Variants in CDKL3 observed in about 807,000 individuals in gnomAD.
CDKL3 encodes the protein cyclin dependent kinase like 3.
In CDKL3, 65 loss-of-function variants were observed where a neutral mutation model predicts 69.3. The ratio of observed to expected loss-of-function variants is 0.94; its 90% CI spans 0.77 to 1.15. CDKL3 has a LOEUF of 1.15. Among genes scored for constraint, CDKL3 ranks in the 50% most tolerant of loss-of-function variants. CDKL3 has a pLI of 0.00. For synonymous variants in CDKL3, 202 were observed against 221.6 expected (o/e 0.91, Z 0.79); for missense variants, 652 against 689.2 (o/e 0.95, Z 0.61).
intron 3 of CDKL3, 119 bp downstream of exon 3, chr5:134,359,778 T>G: frequency 1.4e-6 from 1 of 725,348 alleles, no homozygotes; most frequent in East Asian, 2.9e-5. Flanking sequence ...ATTTTCAGGA[T>G]GTCTATTATT....
chr5:134,312,707 A>G (rs1279718758), intron 6 of CDKL3, among the ~76,000 whole-genome samples: 1 of 152,254 alleles, frequency 6.6e-6, no homozygotes. Flanking sequence ...AAGTTCATGG[A>G]TAATCATTTG....
intron 3 of CDKL3, 64 bp downstream of exon 3, chr5:134,359,833 A>C: frequency 2.9e-6 from 3 of 1,026,958 alleles, no homozygotes; most frequent in Non-Finnish European, 4.2e-6. Flanking sequence ...AAAATAAAAC[A>C]ATGTATAAGG....
intron 12 of CDKL3, among the ~76,000 whole-genome samples, chr5:134,301,805 T>C (rs1045984316): frequency 1.3e-5 from 2 of 152,150 alleles, no homozygotes; most frequent in African/African-American, 4.8e-5. Context: ...GAGAATTGCT[T>C]GAACCCGGGA....
chr5:134,327,857 A>G (rs1204027739), intron 4 of CDKL3, among the ~76,000 whole-genome samples: 1 of 152,220 alleles, frequency 6.6e-6, no homozygotes, highest in African/African-American at 2.4e-5. Flanking sequence ...TAAACCTATC[A>G]ATACCACTGT....
At chr5:134,315,776 C>A (rs1770896966) in intron 6 of CDKL3, among the ~76,000 whole-genome samples, 1 of 152,072 alleles carries the variant, frequency 6.6e-6, no homozygotes, top group South Asian at 2.1e-4. Context: ...TGGTCGAGCT[C>A]AGGAGTTCAA....
chr5:134,316,528 C>T (rs560921542), intron 6 of CDKL3, among the ~76,000 whole-genome samples: 8 of 150,910 alleles, frequency 5.3e-5, no homozygotes, highest in South Asian at 4.2e-4. Flanking sequence ...ACCCTGGAGG[C>T]GGAGGTTGCA....
chr5:134,368,611 T>C (rs1581298820), upstream of CDKL3, among the ~76,000 whole-genome samples: 2 of 86,976 alleles, frequency 2.3e-5, no homozygotes, highest in African/African-American at 4.6e-5. Flanking sequence ...AGAGCGAGAC[T>C]CCATCTCAAA....
upstream of CDKL3, among the ~76,000 whole-genome samples, chr5:134,370,247 A>G (rs1254423453): frequency 1.3e-5 from 2 of 152,236 alleles, no homozygotes; most frequent in Non-Finnish European, 2.9e-5. Context: ...AGTCCTTAGT[A>G]TAACAAAGTC....
At chr5:134,307,699 T>C (rs957586916) in intron 9 of CDKL3, among the ~76,000 whole-genome samples, 3 of 152,200 alleles carry the variant, frequency 2.0e-5, no homozygotes, top group Non-Finnish European at 2.9e-5. Flanking sequence ...ATATGCTATT[T>C]TTCTCCCAAA....
chr5:134,329,281 T>A (rs1013150921), intron 4 of CDKL3, among the ~76,000 whole-genome samples: 5 of 152,004 alleles, frequency 3.3e-5, no homozygotes, highest in Non-Finnish European at 7.4e-5. Flanking sequence ...GAGGCTGCAG[T>A]GAGTCACGAT....
intron 4 of CDKL3, among the ~76,000 whole-genome samples, chr5:134,326,008 C>T (rs1774105129): frequency 6.9e-6 from 1 of 144,874 alleles, no homozygotes; most frequent in Non-Finnish European, 1.5e-5. Flanking sequence ...GATACCCTGA[C>T]ATGATCCGCA....
intron 4 of CDKL3, among the ~76,000 whole-genome samples, chr5:134,344,069 A>G (rs1038186982): frequency 2.6e-5 from 4 of 152,218 alleles, no homozygotes; most frequent in Non-Finnish European, 5.9e-5. Flanking sequence ...TTTTCATCAA[A>G]TGGTGCTGGG....
In CDKL3 at chr5:134,324,700, CG is replaced by C. The variant is rs201425224; in HGVS notation, c.540-2798del. Among the ~76,000 whole-genome samples, 1,218 of 151,992 alleles carry C rather than the reference CG, an allele frequency of 8.0e-3. 5 individuals are homozygous for C. The highest frequency in any genetic ancestry group is 0.012 in the Non-Finnish European group (810 of 67,962). ...ATTGCCAGCAGTTCTGGGAGAGGGA[CG>C]GAAGAATAAAAACGAAGCACAGAAG... On this transcript the variant is annotated intron_variant, in intron 4 of 12. Coordinates refer to ENST00000265334, the MANE Select transcript of CDKL3 (RefSeq NM_001113575.2).
chr5:134,341,110 T>C (rs1182277534), intron 4 of CDKL3, among the ~76,000 whole-genome samples: 2 of 152,130 alleles, frequency 1.3e-5, no homozygotes, highest in African/African-American at 4.8e-5. Flanking sequence ...ATCATTTCAA[T>C]AGACAAAGAA....
intron 3 of CDKL3, among the ~76,000 whole-genome samples, chr5:134,357,286 A>C (rs1432683305): frequency 6.6e-6 from 1 of 152,068 alleles, no homozygotes; most frequent in Non-Finnish European, 1.5e-5. Flanking sequence ...TCTACTAAAA[A>C]TACAAAAATT....
chr5:134,364,658 T>C (rs1756951889), intron 2 of CDKL3, among the ~76,000 whole-genome samples: 1 of 149,602 alleles, frequency 6.7e-6, no homozygotes, highest in South Asian at 2.1e-4. Flanking sequence ...ATTACAGGCA[T>C]GCACTACCAT....
At chr5:134,371,315 A>G (rs370174699), upstream of CDKL3, 1 of 562,158 alleles carries the variant, frequency 1.8e-6, no homozygotes. Flanking sequence ...TTACTTCAGG[A>G]AGCCCAGGGG....
chr5:134,341,370 A>C (rs1168429657), intron 4 of CDKL3, among the ~76,000 whole-genome samples: 4 of 152,210 alleles, frequency 2.6e-5, no homozygotes, highest in African/African-American at 7.2e-5. Context: ...AGGCATCCAG[A>C]CCAGCAAAAA....
chr5:134,312,285 T>C lies in CDKL3; in HGVS notation c.881+7A>G, dbSNP rs770745098. On this transcript the variant is annotated splice_region_variant and intron_variant, in intron 7 of 12. Transcript: ENST00000265334. ...TTAAAAAACCCACATTCACTCAAAA[T>C]GCTTACTTTTCAATAAATCCATCTC... 1.4e-5 allele frequency: 22 copies of C among 1,531,526 alleles called. No homozygotes were observed. In the Admixed American group the frequency reaches 2.2e-4, roughly 16 times the overall value. The allele number at this position is 1,531,526 out of a possible 1,614,324, so 94.9% of individuals were successfully genotyped here. A position where few individuals can be genotyped will look rare whatever the true frequency, so the allele number is the denominator to read the frequency against.
Sources: allele counts gnomAD v4.1 joint callset (sites outside exome capture counted in the v4.1 genomes callset), GRCh38; gene constraint gnomAD v4.1.1; transcripts MANE v1.5; gene names NCBI Gene and HGNC (gene_info 2026-07-23, HGNC 2026-07-21).